Variants in PXDNL observed in about 807,000 individuals in gnomAD.
The protein encoded by PXDNL is probable oxidoreductase PXDNL.
Under a neutral mutation model 150.8 loss-of-function variants are expected in PXDNL, and 145 were observed. That is an observed-to-expected ratio of 0.96 (90% CI 0.84 to 1.10). The LOEUF is 1.10. Ranked by LOEUF, PXDNL falls within the 50% of genes least tolerant of loss-of-function variation. PXDNL has a pLI of 0.00. For synonymous variants in PXDNL, 757 were observed against 725.7 expected (o/e 1.04, Z -0.69); for missense variants, 2,087 against 1,873.9 (o/e 1.11, Z -2.10).
intron 3 of PXDNL, among the ~76,000 whole-genome samples, chr8:51,587,101 G>A (rs1813341642): frequency 6.6e-6 from 1 of 152,096 alleles, no homozygotes; most frequent in Admixed American, 6.6e-5. Context: ...CATTATCAAT[G>A]CCCGTAAGTA....
chr8:51,799,378 T>A (rs1186598093), intron 1 of PXDNL, among the ~76,000 whole-genome samples: 1 of 152,142 alleles, frequency 6.6e-6, no homozygotes, highest in Non-Finnish European at 1.5e-5. Flanking sequence ...TGCACATGTA[T>A]CCTGGAACTT....
intron 19 of PXDNL, among the ~76,000 whole-genome samples, chr8:51,363,082 C>T (rs1331124273): frequency 6.6e-6 from 1 of 152,100 alleles, no homozygotes; most frequent in Admixed American, 6.6e-5. Flanking sequence ...CCAACATGAC[C>T]CGTTCTTCCC....
chr8:51,581,581 T>A (rs984760028), intron 3 of PXDNL, among the ~76,000 whole-genome samples: 1 of 151,974 alleles, frequency 6.6e-6, no homozygotes, highest in Non-Finnish European at 1.5e-5. Flanking sequence ...AAATAAGTTA[T>A]CTTCGTGAGA....
At chr8:51,455,146 A>AAAAAAAAAGAG (rs1563419775) in intron 9 of PXDNL, among the ~76,000 whole-genome samples, 1 of 149,058 alleles carries the variant, frequency 6.7e-6, no homozygotes, top group African/African-American at 2.5e-5. Context: ...GGTAAGGGAA[A>AAAAAAAAAGAG]GTATAGGGAA....
intron 19 of PXDNL, among the ~76,000 whole-genome samples, chr8:51,352,017 G>C (rs1458457904): frequency 1.3e-5 from 2 of 152,024 alleles, no homozygotes; most frequent in African/African-American, 2.4e-5. Flanking sequence ...GCAGGTCACA[G>C]GTTCTGCTCT....
intron 4 of PXDNL, among the ~76,000 whole-genome samples, chr8:51,539,237 AT>A (rs1563456152): frequency 1.3e-5 from 2 of 152,052 alleles, no homozygotes; most frequent in Admixed American, 6.5e-5. Context: ...TATTATTTTT[AT>A]TTTTTAATCT....
At chr8:51,444,962 G>A (rs549896658) in intron 12 of PXDNL, among the ~76,000 whole-genome samples, 13 of 151,262 alleles carry the variant, frequency 8.6e-5, no homozygotes, top group South Asian at 2.1e-4. Context: ...GCTGGAGTGC[G>A]GTGGCATGAT....
intron 1 of PXDNL, among the ~76,000 whole-genome samples, chr8:51,692,800 T>C (rs906861563): frequency 2.0e-5 from 3 of 152,248 alleles, no homozygotes; most frequent in African/African-American, 7.2e-5. Context: ...AAAATACTCT[T>C]TGCTTTAACA....
At chr8:51,562,750 G>A (rs183512725) in intron 3 of PXDNL, among the ~76,000 whole-genome samples, 74 of 152,108 alleles carry the variant, frequency 4.9e-4, no homozygotes, top group Non-Finnish European at 9.0e-4. Context: ...GAAGATGACA[G>A]ACATCACAGA....
At chr8:51,419,718 TAA>T (rs1238190899) in intron 14 of PXDNL, among the ~76,000 whole-genome samples, 1 of 152,182 alleles carries the variant, frequency 6.6e-6, no homozygotes. Context: ...AGTGTTACAG[TAA>T]GTTATTATTA....
intron 2 of PXDNL, among the ~76,000 whole-genome samples, chr8:51,637,585 G>A (rs187109491): frequency 1.7e-4 from 26 of 152,218 alleles, no homozygotes; most frequent in South Asian, 1.2e-3. Context: ...TCTATCAACC[G>A]GAAGAAAGGG....
intron 1 of PXDNL, among the ~76,000 whole-genome samples, chr8:51,798,942 T>C (rs1450712080): frequency 6.6e-6 from 1 of 152,122 alleles, no homozygotes; most frequent in Non-Finnish European, 1.5e-5. Flanking sequence ...ATTATAAAGA[T>C]ACATGCACAC....
At chr8:51,493,813 C>T (rs1407740577) in intron 5 of PXDNL, among the ~76,000 whole-genome samples, 1 of 152,176 alleles carries the variant, frequency 6.6e-6, no homozygotes, top group African/African-American at 2.4e-5. Context: ...GACTAGTGTA[C>T]CTGAAAGTGA....
At chr8:51,664,759 G>T in intron 1 of PXDNL, among the ~76,000 whole-genome samples, 1 of 152,028 alleles carries the variant, frequency 6.6e-6, no homozygotes, top group East Asian at 1.9e-4. Context: ...TGCGCTCCCA[G>T]GTGCCCTGCG....
At chr8:51,574,039 C>A (rs150605596) in intron 3 of PXDNL, among the ~76,000 whole-genome samples, 2 of 152,016 alleles carry the variant, frequency 1.3e-5, no homozygotes, top group African/African-American at 4.8e-5. Flanking sequence ...ACCCAGCCTG[C>A]GGGACTTTCT....
intron 20 of PXDNL, among the ~76,000 whole-genome samples, chr8:51,342,214 A>T (rs1305891736): frequency 6.6e-6 from 1 of 151,958 alleles, no homozygotes; most frequent in Non-Finnish European, 1.5e-5. Context: ...AAAATAGTAT[A>T]TGCTATTTAA....
chr8:51,586,833 C>A (rs542196012), intron 3 of PXDNL, among the ~76,000 whole-genome samples: 104 of 152,298 alleles, frequency 6.8e-4, no homozygotes, highest in Non-Finnish European at 1.2e-3. Flanking sequence ...CTGCTCAGAG[C>A]TGGGCTAGTA....
intron 3 of PXDNL, among the ~76,000 whole-genome samples, chr8:51,566,278 T>A (rs1408267769): frequency 6.6e-6 from 1 of 151,820 alleles, no homozygotes; most frequent in African/African-American, 2.4e-5. Context: ...CTGGTTTTGG[T>A]ATTAGGGTAA....
chr8:51,390,749 TTTA>T (rs1807872930), intron 17 of PXDNL, among the ~76,000 whole-genome samples: 1 of 151,990 alleles, frequency 6.6e-6, no homozygotes, highest in African/African-American at 2.4e-5. Context: ...TTTTTTTTAT[TTTA>T]TTATTATTAT....
Sources: gnomAD v4.1 joint callset for allele counts (sites outside exome capture counted in the v4.1 genomes callset) on GRCh38, gnomAD v4.1.1 for gene constraint, MANE v1.5 for transcripts, NCBI Gene and HGNC (gene_info 2026-07-23, HGNC 2026-07-21) for gene names.